Variants in FAM149A observed in about 807,000 individuals in gnomAD.
FAM149A encodes the protein protein FAM149A.
FAM149A carries 71 observed loss-of-function variants against 78.2 expected under a neutral mutation model. The ratio of observed to expected loss-of-function variants is 0.91; its 90% CI spans 0.75 to 1.11. FAM149A has a LOEUF of 1.11. Among genes scored for constraint, FAM149A ranks in the 50% least tolerant of loss-of-function variants. FAM149A has a pLI of 0.00. For missense variants in FAM149A, 1,036 were observed against 971.0 expected (o/e 1.07, Z -0.89); for synonymous variants, 446 against 410.5 (o/e 1.09, Z -1.04).
intron 13 of FAM149A, chr4:186,169,702 G>A: frequency 1.1e-5 from 11 of 985,392 alleles, no homozygotes; most frequent in Non-Finnish European, 1.3e-5. Flanking sequence ...GAGGAGGTGG[G>A]GGTAGAGCTG....
In FAM149A at chr4:186,105,177, CT is replaced by C; in HGVS notation, c.102del (p.Ala35ProfsTer169). 7.1e-6 allele frequency: 9 copies of C among 1,276,322 alleles called. No homozygotes were observed. Among genetic ancestry groups the C allele is most frequent in the Non-Finnish European group, 9.2e-6 (9 of 983,248 alleles). 79.1% of individuals were successfully genotyped at this position (1,276,322 alleles called of 1,614,324 possible). A position where few individuals can be genotyped will look rare whatever the true frequency, so the allele number is the denominator to read the frequency against. Reference sequence around the variant, plus strand: ...CCCTCCTCCAGACCCTCGGGAGGTGCTGCCGCTGCAGGGTCGGGGGGCTCCA... The same window carrying C: ...CCCTCCTCCAGACCCTCGGGAGGTGCGCCGCTGCAGGGTCGGGGGGCTCCA... On this transcript the variant is annotated frameshift_variant, in exon 1 of 14. Coordinates refer to ENST00000389354, the MANE Select transcript of FAM149A (RefSeq NM_001367768.3). LOFTEE classifies it high-confidence loss of function.
At chr4:186,150,241 TCCTCCCTCCC>T (rs1427005718) in intron 3 of FAM149A, among the ~76,000 whole-genome samples, 1 of 151,756 alleles carries the variant, frequency 6.6e-6, no homozygotes, top group Non-Finnish European at 1.5e-5. Context: ...GGCTCCAGTC[TCCTCCCTCCC>T]CCTCCCTCCA....
At chr4:186,139,587 C>G (rs889608490) in intron 1 of FAM149A, among the ~76,000 whole-genome samples, 1 of 152,174 alleles carries the variant, frequency 6.6e-6, no homozygotes, top group Non-Finnish European at 1.5e-5. Context: ...GACTTCCCAG[C>G]CTTCAGACCT....
chr4:186,153,309 T>C (rs575781129), intron 4 of FAM149A: 1 of 931,632 alleles, frequency 1.1e-6, no homozygotes, highest in South Asian at 4.9e-5. Context: ...GGAGGGCTTC[T>C]TTGTGCCCAG....
intron 1 of FAM149A, chr4:186,110,066 C>G: frequency 1.0e-6 from 1 of 985,416 alleles, no homozygotes; most frequent in Non-Finnish European, 1.2e-6. Context: ...GATTTATATT[C>G]ACATCTTATG....
Position 186,163,640 on chromosome 4 carries a change from C to T in FAM149A, c.1889+7C>T. On this transcript the variant is annotated splice_region_variant and intron_variant, in intron 10 of 13. Transcript: ENST00000389354. ...TTCTTCGGGGAACAAAACTGTGAGT[C>T]TCATTTCTTTCATAGTAAACTAAAG... 6.2e-7 allele frequency: 1 copy of T among 1,608,174 alleles called. No homozygotes were observed. The highest frequency in any genetic ancestry group is 8.5e-7 in the Non-Finnish European group (1 of 1,175,526).
chr4:186,158,836 G>A, intron 8 of FAM149A: 1 of 998,076 alleles, frequency 1.0e-6, no homozygotes, highest in Non-Finnish European at 1.2e-6. Context: ...ATCAACCACT[G>A]AGCGGTCTCA....
chr4:186,166,015 A>G (rs970633533), intron 11 of FAM149A, among the ~76,000 whole-genome samples: 4 of 152,182 alleles, frequency 2.6e-5, no homozygotes, highest in African/African-American at 4.8e-5. Flanking sequence ...AACCTTTGCT[A>G]TGTCTATTGC....
At chr4:186,118,117 A>G (rs1478804421) in intron 1 of FAM149A, 4 of 985,352 alleles carry the variant, frequency 4.1e-6, no homozygotes, top group Non-Finnish European at 4.8e-6. Context: ...AAGGACTGGA[A>G]GTATAAACAG....
chr4:186,124,677 G>T (rs534259839), intron 1 of FAM149A, among the ~76,000 whole-genome samples: 1 of 151,666 alleles, frequency 6.6e-6, no homozygotes, highest in Non-Finnish European at 1.5e-5. Flanking sequence ...TGCACATTTG[G>T]GTTGGTTCCA....
intron 5 of FAM149A, 64 bp from the exon 6 acceptor site, chr4:186,154,404 C>A (rs1487573174): frequency 1.5e-6 from 2 of 1,342,594 alleles, no homozygotes; most frequent in South Asian, 1.4e-5. Context: ...CCGCCATGAT[C>A]GTTTAAGCAT....
intron 3 of FAM149A, chr4:186,151,100 C>G (rs1399756627): frequency 1.1e-5 from 11 of 981,162 alleles, no homozygotes. Context: ...GGGGAGCCGG[C>G]AGGGCAGGTG....
rs771746451 is a variant in FAM149A, at chr4:186,171,972, C to G, written c.2277C>G (p.Phe759Leu). 1 of 1,611,976 alleles carries G rather than the reference C, an allele frequency of 6.2e-7. No homozygotes were observed. ...CAACTTTGACTTTCAAGAGGAGATT[C>G]CAAGTGACATCTTGAAACCACCTCA... Residue 759 changes from phenylalanine to leucine, a missense_variant, in exon 14 of 14, where the codon TTC becomes TTG. Physicochemically the swap from Phe to Leu is conservative, Grantham distance 22. Coordinates refer to ENST00000389354, the MANE Select transcript of FAM149A (RefSeq NM_001367768.3).
At chr4:186,120,848 CT>C (rs374357159) in intron 1 of FAM149A, among the ~76,000 whole-genome samples, 1 of 90,214 alleles carries the variant, frequency 1.1e-5, no homozygotes, top group African/African-American at 4.4e-5. Flanking sequence ...AAATAATATT[CT>C]TTTTTTTTTT....
At chr4:186,150,452 C>T (rs1353409776) in intron 3 of FAM149A, among the ~76,000 whole-genome samples, 1 of 118,356 alleles carries the variant, frequency 8.4e-6, no homozygotes, top group African/African-American at 3.2e-5. Flanking sequence ...CGGAGTCTCG[C>T]TCTGTCGCCC....
At chr4:186,160,441 T>C (rs1351020534) in intron 8 of FAM149A, among the ~76,000 whole-genome samples, 1,178 of 106,026 alleles carry the variant, frequency 0.011, 17 homozygotes, top group African/African-American at 0.042. Flanking sequence ...ACCAAACATA[T>C]ATCCCACACA....
intron 4 of FAM149A, among the ~76,000 whole-genome samples, chr4:186,152,712 T>C (rs1327359967): frequency 6.6e-6 from 1 of 151,488 alleles, no homozygotes; most frequent in African/African-American, 2.4e-5. Flanking sequence ...GCCCGGCTAA[T>C]TTTTTTTATT....
chr4:186,170,625 C>G (rs963413049), intron 13 of FAM149A, among the ~76,000 whole-genome samples: 18 of 152,156 alleles, frequency 1.2e-4, no homozygotes, highest in Admixed American at 1.2e-3. Flanking sequence ...GCTCTAAGCC[C>G]GCAGAGCAGG....
chr4:186,156,914 G>A (rs10021292), intron 7 of FAM149A, among the ~76,000 whole-genome samples: 87,058 of 151,714 alleles, frequency 0.57, 26,873 homozygotes, highest in Non-Finnish European at 0.71. Context: ...ATTCAGTATT[G>A]AAAGTGAGCA....
Sources: allele counts gnomAD v4.1 joint callset (sites outside exome capture counted in the v4.1 genomes callset), GRCh38; gene constraint gnomAD v4.1.1; transcripts MANE v1.5; gene names NCBI Gene and HGNC (gene_info 2026-07-23, HGNC 2026-07-21).